The following CNBD1 variants were observed in gnomAD, a reference collection of about 807,000 sequenced individuals.
CNBD1 encodes the protein cyclic nucleotide binding domain containing 1, also known as cyclic nucleotide-binding domain-containing protein 1.
A neutral mutation model predicts 54.4 loss-of-function variants in CNBD1; 71 were observed. The ratio of observed to expected loss-of-function variants is 1.30; its 90% confidence interval spans 1.08 to 1.59. The LOEUF is 1.59. CNBD1 is among the 40% of genes most tolerant of loss of function. The pLI is 0.00. For synonymous variants in CNBD1, 182 were observed against 170.7 expected, an observed-to-expected ratio of 1.07 and a Z score of -0.51; for missense variants, 659 against 518.0, an observed-to-expected ratio of 1.27 and a Z score of -2.64.
At chr8:86,954,884 G>T (rs545242157) in intron 4 of CNBD1, among the ~76,000 whole-genome samples, 3 of 152,208 alleles carry the variant, frequency 2.0e-5, no homozygotes, top group East Asian at 1.9e-4. Flanking sequence ...TGCACAACGT[G>T]CAGGTTTGTT....
chr8:87,091,873 A>T (rs1811209255), intron 4 of CNBD1, among the ~76,000 whole-genome samples: 1 of 152,168 alleles, frequency 6.6e-6, no homozygotes, highest in African/African-American at 2.4e-5. Flanking sequence ...AATATATAGG[A>T]CATGTGTGTC....
At position 86,978,199 on chromosome 8, in the gene CNBD1, GA is replaced by G. The variant is rs201583836; in HGVS notation, c.431+38452del. Among the ~76,000 whole-genome samples the G allele has an allele frequency of 8.4e-3, 1,281 of 151,908 alleles. 13 individuals carry two copies. Among genetic ancestry groups the G allele is most frequent in the African/African-American group, 0.029 (1,222 of 41,432 alleles). ...TTATATTTTAGTAAATAATTTATAG[GA>G]AAAAAATCCACTTTTTACTAAAATC... is the stretch of plus-strand genomic sequence containing the variant. On this transcript the variant is annotated intron_variant, in intron 4 of 10. Transcript: ENST00000518476.
chr8:87,134,944 A>T (rs550053519), intron 4 of CNBD1, among the ~76,000 whole-genome samples: 2 of 152,194 alleles, frequency 1.3e-5, no homozygotes, highest in South Asian at 2.1e-4. Context: ...AAACTTAAAA[A>T]ATTCTGCGCT....
intron 4 of CNBD1, among the ~76,000 whole-genome samples, chr8:87,038,586 A>G (rs1351462193): frequency 6.6e-6 from 1 of 152,206 alleles, no homozygotes; most frequent in East Asian, 1.9e-4. Flanking sequence ...AGGAGTAATT[A>G]TGGGAGTTAC....
At chr8:87,136,494 AT>A (rs914152713) in intron 4 of CNBD1, among the ~76,000 whole-genome samples, 3 of 133,562 alleles carry the variant, frequency 2.2e-5, no homozygotes, top group Non-Finnish European at 3.1e-5. Flanking sequence ...TTATTTATTG[AT>A]TTTTTTACTT....
chr8:87,191,055 C>T (rs1030595077), intron 4 of CNBD1, among the ~76,000 whole-genome samples: 3 of 151,544 alleles, frequency 2.0e-5, no homozygotes, highest in Non-Finnish European at 4.4e-5. Context: ...CACTATTATA[C>T]AGCAAAGCCC....
intron 6 of CNBD1, among the ~76,000 whole-genome samples, chr8:87,267,365 A>T (rs1428962688): frequency 6.6e-6 from 1 of 152,148 alleles, no homozygotes; most frequent in Non-Finnish European, 1.5e-5. Flanking sequence ...TGGCAAATGA[A>T]AAAAAATTAG....
chr8:87,091,610 A>G (rs919682282), intron 4 of CNBD1, among the ~76,000 whole-genome samples: 2 of 152,292 alleles, frequency 1.3e-5, no homozygotes, highest in East Asian at 3.9e-4. Context: ...TCAGAATTCC[A>G]TGGATCTTAA....
intron 2 of CNBD1, among the ~76,000 whole-genome samples, chr8:86,892,001 G>GC (rs943931708): frequency 1.3e-5 from 2 of 151,872 alleles, no homozygotes; most frequent in Non-Finnish European, 2.9e-5. Flanking sequence ...CATATTGTCT[G>GC]CAAATAGAGA....
rs1294801627 is a variant in CNBD1, at chr8:87,224,157, G to A, written c.578-12762G>A. ...CTGGATATTACCCCTTTGTCAGATG[G>A]GTAGGTTGCGAAAATTTTCTCCCAT... On this transcript the variant is annotated intron_variant, in intron 5 of 10. Transcript: ENST00000518476. Among the ~76,000 whole-genome samples the A allele has an allele frequency of 1.4e-4, 22 of 151,934 alleles. No individual in the cohort carries two copies. In the South Asian group the frequency reaches 4.2e-3, roughly 29 times the overall value.
At chr8:86,973,981 ATCT>A (rs1808282249) in intron 4 of CNBD1, among the ~76,000 whole-genome samples, 1 of 152,162 alleles carries the variant, frequency 6.6e-6, no homozygotes, top group Admixed American at 6.5e-5. Flanking sequence ...TAAAAATTTA[ATCT>A]TCTAATAAAA....
chr8:87,383,691 A>C (rs1410937852), downstream of CNBD1, among the ~76,000 whole-genome samples: 1 of 152,116 alleles, frequency 6.6e-6, no homozygotes, highest in African/African-American at 2.4e-5. Context: ...GTAAAAAATT[A>C]ACCTGTGTTT....
intron 4 of CNBD1, among the ~76,000 whole-genome samples, chr8:87,161,021 A>G (rs1034208713): frequency 3.3e-5 from 5 of 152,082 alleles, no homozygotes; most frequent in Non-Finnish European, 5.9e-5. Context: ...CATTGTTATC[A>G]TCATCATCAT....
At chr8:87,387,145 G>A (rs113427348), downstream of CNBD1, among the ~76,000 whole-genome samples, 2,877 of 152,218 alleles carry the variant, frequency 0.019, 90 homozygotes, top group African/African-American at 0.062. Context: ...CAGCCACTGC[G>A]AAAACATGCC....
At chr8:87,098,962 G>C (rs188917778) in intron 4 of CNBD1, among the ~76,000 whole-genome samples, 1 of 149,552 alleles carries the variant, frequency 6.7e-6, no homozygotes, top group African/African-American at 2.5e-5. Flanking sequence ...GTTTGAATCT[G>C]GGAGGCAGGG....
rs191677674 is a variant in CNBD1 at position 87,016,914 on chromosome 8, G to A, written c.431+77160G>A. ...ACATGTTTCATATGCAAGACATGTTGGACTAGCTTTATGATAACTGGGATA... is the reference window on the plus strand; with the variant it reads ...ACATGTTTCATATGCAAGACATGTTAGACTAGCTTTATGATAACTGGGATA... On this transcript the variant is annotated intron_variant, in intron 4 of 10. Coordinates refer to ENST00000518476, the MANE Select transcript of CNBD1 (RefSeq NM_173538.3). Among the ~76,000 whole-genome samples, 46 of 152,290 alleles carry A rather than the reference G, an allele frequency of 3.0e-4. No homozygotes were observed. In the East Asian group the frequency reaches 8.5e-3, roughly 28 times the overall value.
chr8:87,396,045 A>C (rs1430710836), intron 2 of CNBD1, among the ~76,000 whole-genome samples: 1 of 151,920 alleles, frequency 6.6e-6, no homozygotes, highest in Non-Finnish European at 1.5e-5. Context: ...TTTATAAATT[A>C]CTCAGGCTCG....
chr8:87,375,543 T>A lies in CNBD1; in HGVS notation c.1304-7077T>A, dbSNP rs554270378. ...GAAGCCATAGCATTCCTTATAAGTT[T>A]TTATATATAGTTTAGGTATCACACA... On this transcript the variant is annotated intron_variant, in intron 10 of 10. Transcript: ENST00000518476. 8.6e-5 allele frequency among the ~76,000 whole-genome samples: 13 copies of A among 151,908 alleles called. No individual in the cohort carries two copies. The South Asian group carries it at 2.5e-3, about 29-fold the overall frequency.
intron 2 of CNBD1, among the ~76,000 whole-genome samples, chr8:87,389,290 A>G (rs1811258491): frequency 6.6e-6 from 1 of 152,218 alleles, no homozygotes; most frequent in South Asian, 2.1e-4. Context: ...GTATTCAATT[A>G]GGAAAAGAGG....
Sources: gnomAD v4.1 joint callset for allele counts (sites outside exome capture counted in the v4.1 genomes callset) on GRCh38, gnomAD v4.1.1 for gene constraint, MANE v1.5 for transcripts, NCBI Gene and HGNC (gene_info 2026-07-23, HGNC 2026-07-21) for gene names.